Variants in MACROD2 observed in about 807,000 individuals in gnomAD.
MACROD2 encodes the protein ADP-ribose glycohydrolase MACROD2.
A neutral mutation model predicts 70.4 loss-of-function variants in MACROD2; 36 were observed. That is an observed-to-expected ratio of 0.51 (90% CI 0.39 to 0.68). The LOEUF (loss-of-function observed/expected upper bound fraction) is 0.68. MACROD2 is among the 30% of genes least tolerant of loss of function. The probability of loss-of-function intolerance (pLI) is 0.00; values close to 1 mark genes in which losing one functional copy is unlikely to be tolerated. For missense variants in MACROD2, 496 were observed against 538.4 expected (o/e 0.92, Z 0.78); for synonymous variants, 172 against 178.8 (o/e 0.96, Z 0.30).
chr20:14,556,411 T>C (rs1979034012), intron 4 of MACROD2, among the ~76,000 whole-genome samples: 1 of 152,090 alleles, frequency 6.6e-6, no homozygotes, highest in Admixed American at 6.6e-5. Flanking sequence ...TCATATATCC[T>C]GAGCTAGGTG....
chr20:15,132,825 T>G (rs1237885683), intron 5 of MACROD2, among the ~76,000 whole-genome samples: 1 of 152,020 alleles, frequency 6.6e-6, no homozygotes, highest in East Asian at 1.9e-4. Flanking sequence ...TTAAAATACA[T>G]CAGGAAGTTG....
intron 4 of MACROD2, among the ~76,000 whole-genome samples, chr20:14,660,333 A>T (rs12479730): frequency 0.015 from 2,324 of 152,332 alleles, 127 homozygotes; most frequent in Admixed American, 0.11. Flanking sequence ...ACTATAAGTA[A>T]CAGCTTGAAA....
chr20:14,940,101 T>C (rs2074376495), intron 5 of MACROD2, among the ~76,000 whole-genome samples: 1 of 148,930 alleles, frequency 6.7e-6, no homozygotes, highest in African/African-American at 2.5e-5. Flanking sequence ...TTGACTTTTT[T>C]CTTTCCAGTT....
At chr20:15,316,725 A>C (rs998058223) in intron 6 of MACROD2, among the ~76,000 whole-genome samples, 1 of 152,108 alleles carries the variant, frequency 6.6e-6, no homozygotes, top group Admixed American at 6.6e-5. Flanking sequence ...ACTCCATTCC[A>C]CAACAGCTGA....
chr20:14,859,815 G>A (rs2073295361), intron 5 of MACROD2, among the ~76,000 whole-genome samples: 1 of 152,082 alleles, frequency 6.6e-6, no homozygotes, highest in African/African-American at 2.4e-5. Context: ...TATGGTCTGT[G>A]GTTTGCAATA....
intron 8 of MACROD2, among the ~76,000 whole-genome samples, chr20:15,577,430 A>G (rs1042904568): frequency 1.3e-5 from 2 of 152,204 alleles, no homozygotes; most frequent in Non-Finnish European, 2.9e-5. Flanking sequence ...TTTAAAAAAT[A>G]TAACTATAAT....
intron 5 of MACROD2, among the ~76,000 whole-genome samples, chr20:14,784,597 TG>T (rs1568793804): frequency 6.8e-6 from 1 of 147,374 alleles, no homozygotes; most frequent in Admixed American, 7.0e-5. Context: ...AGTAGATATT[TG>T]ATAAATGCTT....
At chr20:14,453,826 T>C (rs1191279423) in intron 3 of MACROD2, among the ~76,000 whole-genome samples, 1 of 152,026 alleles carries the variant, frequency 6.6e-6, no homozygotes, top group Non-Finnish European at 1.5e-5. Flanking sequence ...TATAATTTTA[T>C]ATTTTGCTTC....
At chr20:15,588,530 G>A (rs548672638) in intron 8 of MACROD2, among the ~76,000 whole-genome samples, 8 of 152,202 alleles carry the variant, frequency 5.3e-5, no homozygotes, top group East Asian at 3.9e-4. Flanking sequence ...TTTTCCAAAC[G>A]TTTATGCTCT....
rs563662127 is a variant in MACROD2, at chr20:15,164,619, G to A, written c.419-65321G>A. Among the ~76,000 whole-genome samples, 119 of 152,246 alleles carry A rather than the reference G, an allele frequency of 7.8e-4. 2 individuals carry two copies. The highest frequency in any genetic ancestry group is 4.1e-3 in the Admixed American group (63 of 15,276). On this transcript the variant is annotated intron_variant, in intron 5 of 17. Coordinates refer to ENST00000684519, the MANE Select transcript of MACROD2 (RefSeq NM_001351661.2). ...GGCTAATTGAAGAAGTAACAGGCTG[G>A]GTATGGTGGCTCATGCCTGTAATGC...
chr20:14,558,335 G>A (rs1013457334), intron 4 of MACROD2, among the ~76,000 whole-genome samples: 6 of 151,658 alleles, frequency 4.0e-5, no homozygotes, highest in Middle Eastern at 6.8e-3. Flanking sequence ...TAAAGGGCCT[G>A]GTATGTGAAT....
intron 8 of MACROD2, among the ~76,000 whole-genome samples, chr20:15,512,882 G>A (rs1340024494): frequency 6.6e-6 from 1 of 152,144 alleles, no homozygotes; most frequent in Non-Finnish European, 1.5e-5. Context: ...AAAACAATTA[G>A]AGGCTGATGG....
intron 3 of MACROD2, among the ~76,000 whole-genome samples, chr20:14,349,851 C>T (rs573119967): frequency 6.8e-4 from 96 of 141,734 alleles, no homozygotes; most frequent in African/African-American, 2.3e-3. Context: ...GAGTGCAATG[C>T]GATTCTCCTG....
At chr20:15,866,065 G>A (rs1427632029) in intron 9 of MACROD2, among the ~76,000 whole-genome samples, 2 of 152,156 alleles carry the variant, frequency 1.3e-5, no homozygotes, top group Non-Finnish European at 2.9e-5. Context: ...GTTTAAGTAG[G>A]CCAAAGGTGA....
chr20:14,990,515 C>CT (rs541686087), intron 5 of MACROD2, among the ~76,000 whole-genome samples: 3,518 of 129,220 alleles, frequency 0.027, 131 homozygotes, highest in African/African-American at 0.081. Flanking sequence ...TTTTCTTTTT[C>CT]TTTTTTTTTT....
chr20:14,033,871 C>G (rs940517330), intron 2 of MACROD2, among the ~76,000 whole-genome samples: 1 of 152,124 alleles, frequency 6.6e-6, no homozygotes, highest in African/African-American at 2.4e-5. Flanking sequence ...GTATTCTTCA[C>G]TCTTTTGTAT....
chr20:15,566,024 C>CAG, intron 8 of MACROD2, among the ~76,000 whole-genome samples: 1 of 152,276 alleles, frequency 6.6e-6, no homozygotes, highest in South Asian at 2.1e-4. Context: ...GAGCTTCTTT[C>CAG]AGCACTACAG....
intron 5 of MACROD2, among the ~76,000 whole-genome samples, chr20:14,699,054 A>T (rs753687261): frequency 6.6e-6 from 1 of 152,064 alleles, no homozygotes; most frequent in Non-Finnish European, 1.5e-5. Context: ...TCTATAATTT[A>T]AGTAATAGTG....
chr20:15,580,713 G>A (rs1375886754), intron 8 of MACROD2, among the ~76,000 whole-genome samples: 1 of 152,186 alleles, frequency 6.6e-6, no homozygotes, highest in Non-Finnish European at 1.5e-5. Context: ...AGGTGAAAAG[G>A]CATTCACATT....
Sources: allele counts gnomAD v4.1 joint callset (sites outside exome capture counted in the v4.1 genomes callset), GRCh38; gene constraint gnomAD v4.1.1; transcripts MANE v1.5; gene names NCBI Gene and HGNC (gene_info 2026-07-23, HGNC 2026-07-21).